The following TRPS1 variants were observed in gnomAD, a reference collection of about 807,000 sequenced individuals.
The protein encoded by TRPS1 is zinc finger transcription factor Trps1.
In TRPS1, 6 loss-of-function variants were observed where a neutral mutation model predicts 101.2. That is an observed-to-expected ratio of 0.06 (90% CI 0.03 to 0.12). TRPS1 has a LOEUF of 0.12. Among genes scored for constraint, TRPS1 ranks in the 10% least tolerant of loss-of-function variants. The pLI, the probability that TRPS1 is intolerant of heterozygous loss-of-function variation, is 1.00. For synonymous variants in TRPS1, 578 were observed against 589.8 expected (o/e 0.98, Z 0.29); for missense variants, 1,363 against 1,567.0 (o/e 0.87, Z 2.20).
intron 5 of TRPS1, among the ~76,000 whole-genome samples, chr8:115,583,270 TAA>T (rs33977272): frequency 4.0e-5 from 6 of 151,026 alleles, no homozygotes; most frequent in South Asian, 2.1e-4. Context: ...ATGTACATCA[TAA>T]AAAAAAAACT....
At chr8:115,638,939 G>C (rs1270204983) in intron 1 of TRPS1, among the ~76,000 whole-genome samples, 1 of 152,072 alleles carries the variant, frequency 6.6e-6, no homozygotes, top group Non-Finnish European at 1.5e-5. Flanking sequence ...TCCCCCATTA[G>C]ACTATAAACT....
intron 5 of TRPS1, among the ~76,000 whole-genome samples, chr8:115,508,918 G>A (rs1815511865): frequency 6.6e-6 from 1 of 151,754 alleles, no homozygotes; most frequent in South Asian, 2.1e-4. Context: ...GGAAACATTT[G>A]GACTCTATGT....
intron 5 of TRPS1, among the ~76,000 whole-genome samples, chr8:115,523,461 T>C (rs1470668456): frequency 1.3e-5 from 2 of 152,004 alleles, no homozygotes; most frequent in South Asian, 2.1e-4. Flanking sequence ...AAACTATCTA[T>C]ATAAGAGCTG....
Position 115,414,534 on chromosome 8 carries a change from C to T in TRPS1, c.3374G>A (p.Arg1125Gln), listed in dbSNP as rs773593651. The change falls in exon 7 of 7, where the codon CGG becomes CAG. Residue 1125 changes from arginine to glutamine, a missense_variant. Arg to Gln is a conservative substitution (Grantham distance 43). Transcript: ENST00000395715. The surrounding 1 kb of genome is among the most constrained non-coding windows in gnomAD (Gnocchi z 4.8). The part of the protein sequence containing the change: ...NDFQSEADWL[R>Q]FWSKYKLSVP... The stretch of plus-strand genomic sequence containing the variant: ...GGAGAGCTTATATTTACTCCAGAAC[C>T]GCAGCCAATCAGCTTCACTCTGGAA... 40 of 1,613,720 alleles carry T rather than the reference C, an allele frequency of 2.5e-5. No homozygotes were observed. In the Middle Eastern group the frequency reaches 4.9e-4, roughly 20 times the overall value.
chr8:115,587,784 A>G (rs1212530704), intron 4 of TRPS1, among the ~76,000 whole-genome samples, 180 bp from the exon 5 acceptor site: 1 of 152,218 alleles, frequency 6.6e-6, no homozygotes, highest in Non-Finnish European at 1.5e-5. Flanking sequence ...AGTTCTATAT[A>G]AAGAGTTCAA....
At chr8:115,551,034 T>C (rs951404438) in intron 5 of TRPS1, among the ~76,000 whole-genome samples, 2 of 152,186 alleles carry the variant, frequency 1.3e-5, no homozygotes, top group African/African-American at 4.8e-5. Flanking sequence ...GACTCCAGCC[T>C]TCACTCTGAA....
chr8:115,478,681 G>A (rs1430583026), intron 5 of TRPS1, among the ~76,000 whole-genome samples: 1 of 151,840 alleles, frequency 6.6e-6, no homozygotes. Context: ...GCAGGTGCCT[G>A]TAATCCCAGC....
At chr8:115,420,872 A>G (rs1563718924) in intron 5 of TRPS1, among the ~76,000 whole-genome samples, 1 of 152,216 alleles carries the variant, frequency 6.6e-6, no homozygotes, top group Admixed American at 6.5e-5. Context: ...TTTAGGTGCC[A>G]GAACACTGAT....
intron 1 of TRPS1, among the ~76,000 whole-genome samples, chr8:115,628,582 T>C (rs1223439894): frequency 6.6e-6 from 1 of 151,954 alleles, no homozygotes; most frequent in Admixed American, 6.6e-5. Flanking sequence ...TTCTAGGATA[T>C]GAAAAGCTTT....
At chr8:115,519,956 CTT>C (rs1335878174) in intron 5 of TRPS1, among the ~76,000 whole-genome samples, 1 of 151,636 alleles carries the variant, frequency 6.6e-6, no homozygotes, top group Non-Finnish European at 1.5e-5. Context: ...TTGGCAGTAA[CTT>C]TGCAAAATTT....
chr8:115,619,307 T>C lies in TRPS1; in HGVS notation c.791A>G (p.His264Arg). ...KHFRKYHLGLHNRTRQDAELD... is the reference protein window; with the variant it reads ...KHFRKYHLGLRNRTRQDAELD... ...CTCAGCATCTTGCCTGGTGCGGTTA[T>C]GCAGTCCTAAGTGATACTTTCGGAA... The change falls in exon 3 of 7, where the codon CAT (histidine) becomes CGT (arginine). Residue 264 changes from histidine (H) to arginine (R), a missense_variant. This residue lies in a region of TRPS1 where 1,020 missense variants were observed against 1,073.0 expected (regional missense o/e 0.95). Coordinates refer to ENST00000395715, the MANE Select transcript of TRPS1 (RefSeq NM_014112.5). 4.3e-6 allele frequency: 7 copies of C among 1,614,240 alleles called. No homozygotes were observed. The highest frequency in any genetic ancestry group is 1.7e-5 in the Admixed American group (1 of 60,030).
intron 5 of TRPS1, among the ~76,000 whole-genome samples, chr8:115,539,155 T>C (rs891579696): frequency 1.3e-5 from 2 of 152,084 alleles, no homozygotes; most frequent in Non-Finnish European, 2.9e-5. Context: ...CCTAGAAATA[T>C]AAGGAATAAG....
intron 1 of TRPS1, among the ~76,000 whole-genome samples, chr8:115,629,958 T>C (rs1317815400): frequency 3.3e-5 from 5 of 151,990 alleles, no homozygotes; most frequent in Non-Finnish European, 7.4e-5. Context: ...GCAGATCCCA[T>C]AGCTTTACAG....
At chr8:115,652,653 A>T (rs1198947503) in intron 1 of TRPS1, among the ~76,000 whole-genome samples, 1 of 152,260 alleles carries the variant, frequency 6.6e-6, no homozygotes, top group Non-Finnish European at 1.5e-5. Flanking sequence ...CAGCTTCATT[A>T]GCCATGTATA....
At chr8:115,668,234 C>A in intron 1 of TRPS1, 1 of 356,928 alleles carries the variant, frequency 2.8e-6, no homozygotes, top group Non-Finnish European at 5.0e-6. Flanking sequence ...AAAAAGGGAG[C>A]AGAAGAGAAG....
chr8:115,530,872 T>C (rs551155781), intron 5 of TRPS1, among the ~76,000 whole-genome samples: 1 of 151,906 alleles, frequency 6.6e-6, no homozygotes, highest in African/African-American at 2.4e-5. Flanking sequence ...TAGGTAGGAA[T>C]TGAACAATGA....
intron 5 of TRPS1, among the ~76,000 whole-genome samples, chr8:115,515,584 TA>T (rs1473508919): frequency 2.7e-3 from 1 of 364 alleles, no homozygotes; most frequent in Admixed American, 0.036. Context: ...GATAAGACAT[TA>T]AAAAATTTTT....
chr8:115,477,100 T>A (rs1228875447), intron 5 of TRPS1, among the ~76,000 whole-genome samples: 1 of 151,992 alleles, frequency 6.6e-6, no homozygotes, highest in Non-Finnish European at 1.5e-5. Context: ...AAAGTGGGAA[T>A]AAAAAAATTT....
intron 5 of TRPS1, among the ~76,000 whole-genome samples, chr8:115,518,786 G>A (rs1421928692): frequency 6.6e-6 from 1 of 151,750 alleles, no homozygotes. Flanking sequence ...TATTTTCTCT[G>A]CATTGCCTTT....
Sources: allele counts gnomAD v4.1 joint callset (sites outside exome capture counted in the v4.1 genomes callset), GRCh38; gene constraint gnomAD v4.1.1; regional missense constraint gnomAD v4.1.1; non-coding constraint Gnocchi (gnomAD v3.1); transcripts MANE v1.5; gene names NCBI Gene and HGNC (gene_info 2026-07-23, HGNC 2026-07-21).